CYP4F12: variants seen among roughly 807,000 people sequenced by gnomAD.
CYP4F12 encodes the protein cytochrome P450 family 4 subfamily F member 12.
CYP4F12 carries 60 observed loss-of-function variants against 56.5 expected under a neutral mutation model. That is an observed-to-expected ratio of 1.06 (90% CI 0.86 to 1.32). The LOEUF is 1.32. Ranked by LOEUF, CYP4F12 falls within the 40% of genes most tolerant of loss-of-function variation. The probability of loss-of-function intolerance (pLI) is 0.00; values close to 1 mark genes in which losing one functional copy is unlikely to be tolerated. For synonymous variants in CYP4F12, 263 were observed against 264.9 expected, an observed-to-expected ratio of 0.99 and a Z score of 0.07; for missense variants, 711 against 683.5, an observed-to-expected ratio of 1.04 and a Z score of -0.45.
In CYP4F12 at chr19:15,680,305, C is replaced by T. The variant is rs756826295; in HGVS notation, c.397+8C>T. On this transcript the variant is annotated splice_region_variant and intron_variant, in intron 4 of 12. Coordinates refer to ENST00000550308, the MANE Select transcript of CYP4F12 (RefSeq NM_023944.4). ...TCCTGAAGCCCTGGCTGGGTGAGTA[C>T]CTGCAGGTGAAAGGGGTTGGGGACA... 1.2e-5 allele frequency: 19 copies of T among 1,612,644 alleles called. No individual in the cohort carries two copies. The East Asian group carries it at 4.2e-4, about 36-fold the overall frequency.
Position 15,678,374 on chromosome 19 carries a change from T to C in CYP4F12, c.312T>C (p.Pro104=). ...TCCCCTTCATCGTTTTATGCCACCC[T>C]GACACCATCCGGTCTATCACCAATG... ...PIIPFIVLCH[P]DTIRSITNAS... The change falls in exon 3 of 13, where the codon CCT becomes CCC. Residue 104 remains proline (P), a synonymous_variant. Transcript: ENST00000550308. The C allele has an allele frequency of 6.2e-7, 1 of 1,614,192 alleles. No individual in the cohort carries two copies. The highest frequency in any genetic ancestry group is 2.2e-5 in the East Asian group (1 of 44,888).
chr19:15,691,957 TTTTC>T (rs2007890664), intron 9 of CYP4F12, among the ~76,000 whole-genome samples: 1 of 152,088 alleles, frequency 6.6e-6, no homozygotes, highest in Non-Finnish European at 1.5e-5. Context: ...GTGACTTTTC[TTTTC>T]TTTTTTCTTT....
chr19:15,685,177 C>A lies in CYP4F12; in HGVS notation c.1095C>A (p.Arg365=), dbSNP rs771042085. The change falls in exon 9 of 13, where the codon CGC becomes CGA. Residue 365 remains arginine (R), a synonymous_variant. Coordinates refer to ENST00000550308, the MANE Select transcript of CYP4F12 (RefSeq NM_023944.4). ...RQEVQELLKD[R]DPKEIEWDDL... ...AGGTGCAAGAGCTTCTGAAGGACCG[C>A]GATCCTAAAGAGATTGAATGGTGAG... is the stretch of plus-strand genomic sequence containing the variant. 1.9e-6 allele frequency: 3 copies of A among 1,614,062 alleles called. No homozygotes were observed. Among genetic ancestry groups the A allele is most frequent in the South Asian group, 2.2e-5 (2 of 91,066 alleles).
chr19:15,681,088 A>G (rs1166224947), intron 5 of CYP4F12: 2 of 167,654 alleles, frequency 1.2e-5, no homozygotes, highest in Non-Finnish European at 2.6e-5. Context: ...CATGGCAGAG[A>G]CTGGGCTCCG....
intron 9 of CYP4F12, 151 bp from the exon 10 acceptor site, chr19:15,695,785 A>T: frequency 8.4e-7 from 1 of 1,195,422 alleles, no homozygotes; most frequent in Non-Finnish European, 1.1e-6. Context: ...CTGCTTCTCT[A>T]ATTGTTTTCT....
chr19:15,696,446 G>C lies in CYP4F12; in HGVS notation c.1331G>C (p.Arg444Pro), dbSNP rs376379053. Residue 444 changes from arginine (R) to proline (P), a missense_variant, in exon 12 of 13, where the codon CGC becomes CCC. Physicochemically the swap from Arg to Pro is moderately radical, Grantham distance 103. Coordinates refer to ENST00000550308, the MANE Select transcript of CYP4F12 (RefSeq NM_023944.4). ...WPDPEVYDPF[R>P]FDPENSKGRS... ...CACCTGCAGGTCTACGACCCCTTCC[G>C]CTTTGACCCAGAGAACAGCAAGGGG... is the stretch of plus-strand genomic sequence containing the variant. 79 of 1,613,972 alleles carry C rather than the reference G, an allele frequency of 4.9e-5. No individual in the cohort carries two copies. The highest frequency in any genetic ancestry group is 6.4e-5 in the Non-Finnish European group (75 of 1,180,022).
rs1432460641 is a variant in CYP4F12 at position 15,696,926 on chromosome 19, G to T, written c.1416G>T (p.Ala472=). Residue 472 remains alanine, a synonymous_variant, in exon 13 of 13, where the codon GCG becomes GCT. Transcript: ENST00000550308. ...SAGPRNCIGQ[A]FAMAEMKVVL... is the part of the protein sequence containing the mutation. ...CCTGCAGGAACTGCATCGGGCAGGC[G>T]TTCGCCATGGCGGAGATGAAAGTGG... is the stretch of plus-strand genomic sequence containing the variant. 5 of 1,613,664 alleles carry T rather than the reference G, an allele frequency of 3.1e-6. No individual in the cohort carries two copies. The highest frequency in any genetic ancestry group is 4.2e-6 in the Non-Finnish European group (5 of 1,179,752).
chr19:15,696,227 T>C lies in CYP4F12; in HGVS notation c.1314+2T>C. The C allele has an allele frequency of 1.2e-6, 2 of 1,614,016 alleles. No individual in the cohort carries two copies. Among genetic ancestry groups the C allele is most frequent in the Non-Finnish European group, 1.7e-6 (2 of 1,179,994 alleles). On this transcript the variant is annotated splice_donor_variant, in intron 11 of 12. Coordinates refer to ENST00000550308, the MANE Select transcript of CYP4F12 (RefSeq NM_023944.4). LOFTEE classifies it high-confidence loss of function. ...CCAACTGTGTGGCCGGATCCTGAGG[T>C]GCTGCCTTCCCCATTCACCACCACC...
At chr19:15,679,126 C>A (rs957391692) in intron 3 of CYP4F12, among the ~76,000 whole-genome samples, 46 of 152,300 alleles carry the variant, frequency 3.0e-4, no homozygotes, top group African/African-American at 9.9e-4. Flanking sequence ...TGGCAGCATC[C>A]CACAAAATCT....
intron 2 of CYP4F12, among the ~76,000 whole-genome samples, chr19:15,675,288 G>A (rs74182263): frequency 0.93 from 121,766 of 131,052 alleles, 57,361 homozygotes; most frequent in East Asian, 1. Flanking sequence ...AGGATTGATC[G>A]GTGTGTCCAC....
intron 9 of CYP4F12, among the ~76,000 whole-genome samples, chr19:15,695,611 AT>A (rs1298469853): frequency 6.6e-6 from 1 of 151,756 alleles, no homozygotes; most frequent in Non-Finnish European, 1.5e-5. Context: ...GGATCTGGGT[AT>A]TTTGTTTGTT....
intron 2 of CYP4F12, among the ~76,000 whole-genome samples, chr19:15,677,050 C>CTCT (rs2006979021): frequency 6.8e-5 from 4 of 59,080 alleles, no homozygotes; most frequent in South Asian, 5.7e-4. Flanking sequence ...CTCATTCCTC[C>CTCT]CCTCATTCAG....
At position 15,678,292 on chromosome 19, in the gene CYP4F12, C is replaced by G; in HGVS notation, c.230C>G (p.Ser77Trp). The G allele has an allele frequency of 6.2e-7, 1 of 1,614,158 alleles. No individual in the cohort carries two copies. Among genetic ancestry groups the G allele is most frequent in the Non-Finnish European group, 8.5e-7 (1 of 1,180,010 alleles). The change falls in exon 3 of 13, where the codon TCG becomes TGG. Residue 77 changes from serine to tryptophan, a missense_variant. Ser to Trp is a radical substitution (Grantham distance 177). Coordinates refer to ENST00000550308, the MANE Select transcript of CYP4F12 (RefSeq NM_023944.4). ...CCTACAGAGGAGGGCTTGAAGAACTCGACCCAGATGTCGGCCACCTATTCC... is the reference window on the plus strand; with the variant it reads ...CCTACAGAGGAGGGCTTGAAGAACTGGACCCAGATGTCGGCCACCTATTCC... ...ITPTEEGLKN[S>W]TQMSATYSQG...
intron 9 of CYP4F12, among the ~76,000 whole-genome samples, chr19:15,689,001 C>A (rs582162): frequency 1.3e-5 from 2 of 151,892 alleles, no homozygotes; most frequent in African/African-American, 4.8e-5. Context: ...ATAAGATAAC[C>A]TTGGAAAAAC....
intron 5 of CYP4F12, chr19:15,681,424 C>G (rs1209217863): frequency 6.6e-6 from 1 of 152,188 alleles, no homozygotes; most frequent in Non-Finnish European, 1.5e-5. Flanking sequence ...CTCATGCATT[C>G]TAACAGATTC....
In CYP4F12 at chr19:15,680,249, A is replaced by C; in HGVS notation, c.349A>C (p.Ile117Leu). ...ATGGTCCTCGTTCATGTCAGCTGCC[A>C]TTGCACCCAAGGATAATCTCTTCAT... is the stretch of plus-strand genomic sequence containing the variant. ...IRSITNASAAIAPKDNLFIRF... is the reference protein window; with the variant it reads ...IRSITNASAALAPKDNLFIRF... The change falls in exon 4 of 13, where the codon ATT becomes CTT. Residue 117 changes from isoleucine to leucine, a missense_variant. Coordinates refer to ENST00000550308, the MANE Select transcript of CYP4F12 (RefSeq NM_023944.4). 6.2e-7 allele frequency: 1 copy of C among 1,602,554 alleles called. No individual in the cohort carries two copies. The highest frequency in any genetic ancestry group is 8.5e-7 in the Non-Finnish European group (1 of 1,174,120).
chr19:15,680,845 G>A (rs1012741371), intron 5 of CYP4F12: 3 of 371,296 alleles, frequency 8.1e-6, no homozygotes, highest in South Asian at 4.3e-5. Flanking sequence ...AGCCATAAGG[G>A]TTTACAATTG....
chr19:15,686,971 C>G (rs1471265210), intron 9 of CYP4F12, among the ~76,000 whole-genome samples: 2 of 151,644 alleles, frequency 1.3e-5, no homozygotes, highest in Non-Finnish European at 2.9e-5. Flanking sequence ...ACTTTGTAAA[C>G]AAAAAAAAGT....
At chr19:15,675,083 C>A (rs1455535519) in intron 2 of CYP4F12, among the ~76,000 whole-genome samples, 1 of 152,210 alleles carries the variant, frequency 6.6e-6, no homozygotes, top group African/African-American at 2.4e-5. Context: ...GTCTCCCACA[C>A]CCTCTCCTTC....
Sources: allele counts gnomAD v4.1 joint callset (sites outside exome capture counted in the v4.1 genomes callset), GRCh38; gene constraint gnomAD v4.1.1; transcripts MANE v1.5; gene names NCBI Gene and HGNC (gene_info 2026-07-23, HGNC 2026-07-21).